The following RPRD2 variants were observed in gnomAD, a reference collection of about 807,000 sequenced individuals.
The protein encoded by RPRD2 is regulation of nuclear pre-mRNA domain-containing protein 2.
RPRD2 carries 12 observed loss-of-function variants against 104.4 expected under a neutral mutation model. The ratio of observed to expected loss-of-function variants is 0.11; its 90% CI spans 0.07 to 0.19. The LOEUF (loss-of-function observed/expected upper bound fraction) is 0.19, where lower values mean the gene tolerates loss of function less well. Among genes scored for constraint, RPRD2 ranks in the 10% least tolerant of loss-of-function variants. The pLI is 1.00. For synonymous variants in RPRD2, 714 were observed against 684.9 expected (o/e 1.04, Z -0.66); for missense variants, 1,543 against 1,790.1 (o/e 0.86, Z 2.49).
rs749285423 is a variant in RPRD2, at chr1:150,473,264, C to G, written c.4316C>G (p.Pro1439Arg). ...SRDPFHSLKR[P>R]RPPFARGPPF... ...GACCCATTTCACAGTTTAAAGAGAC[C>G]CAGGCCACCTTTTGCTAGGGGCCCT... Residue 1439 changes from proline (P) to arginine (R), a missense_variant, in exon 11 of 11, where the codon CCC becomes CGC. By Grantham distance (103) the Pro-to-Arg change is moderately radical. Transcript: ENST00000369068. 6.2e-7 allele frequency: 1 copy of G among 1,613,872 alleles called. No individual in the cohort carries two copies. The highest frequency in any genetic ancestry group is 8.5e-7 in the Non-Finnish European group (1 of 1,179,826).
chr1:150,431,473 A>ATTTTTTT (rs1160491386), intron 2 of RPRD2, among the ~76,000 whole-genome samples: 5,723 of 78,296 alleles, frequency 0.073, 473 homozygotes, highest in Non-Finnish European at 0.1. Flanking sequence ...AAAAGGAAGG[A>ATTTTTTT]TTTTTTTTTT....
chr1:150,474,937 GAGAA>G lies in RPRD2; in HGVS notation c.*1607_*1610del, dbSNP rs1248567455. 6.6e-6 allele frequency: 1 copy of G among 152,174 alleles called. No homozygotes were observed. Among genetic ancestry groups the G allele is most frequent in the Admixed American group, 6.5e-5 (1 of 15,276 alleles). The allele number at this position is 152,174 out of a possible 1,614,324, so 9.4% of individuals were successfully genotyped here. ...TGATTCTCTCAGAATGAACTTTTCA[GAGAA>G]AGAGCAGCATAAACCAGGTGCACAT... On this transcript the variant is annotated 3_prime_UTR_variant, in exon 11 of 11. Transcript: ENST00000369068.
chr1:150,364,296 C>A lies in RPRD2; in HGVS notation c.-419C>A, dbSNP rs1243086393. On this transcript the variant is annotated 5_prime_UTR_variant, in exon 1 of 11. Transcript: ENST00000369068. ...TAGTATTACATTTAAGATATTAACG[C>A]CCGACCTGGCTCACAGGAGTGTGGG... Among the ~76,000 whole-genome samples, 1 of 152,174 alleles carries A rather than the reference C, an allele frequency of 6.6e-6. No individual in the cohort carries two copies. Among genetic ancestry groups the A allele is most frequent in the Non-Finnish European group, 1.5e-5 (1 of 68,032 alleles).
At chr1:150,406,588 GGGGTTT>G (rs1663494914) in intron 1 of RPRD2, among the ~76,000 whole-genome samples, 3 of 151,818 alleles carry the variant, frequency 2.0e-5, no homozygotes, top group Admixed American at 6.6e-5. Context: ...TACTATAGAT[GGGGTTT>G]CACCATGTTA....
chr1:150,458,124 T>C (rs1553898055), intron 8 of RPRD2, among the ~76,000 whole-genome samples: 2 of 151,818 alleles, frequency 1.3e-5, no homozygotes, highest in Non-Finnish European at 2.9e-5. Flanking sequence ...GCATTTGAAA[T>C]GAAGCTTGTC....
intron 1 of RPRD2, among the ~76,000 whole-genome samples, chr1:150,391,847 G>T (rs1662096121): frequency 6.6e-6 from 1 of 152,162 alleles, no homozygotes; most frequent in Admixed American, 6.5e-5. Context: ...GGCAGAGGTT[G>T]CAGTGAGCCG....
intron 7 of RPRD2, 99 bp downstream of exon 7, chr1:150,446,500 A>G: frequency 1.9e-6 from 2 of 1,047,608 alleles, no homozygotes; most frequent in Non-Finnish European, 2.7e-6. Flanking sequence ...ATGCATTTTT[A>G]TCTCCTTATC....
intron 6 of RPRD2, among the ~76,000 whole-genome samples, chr1:150,444,830 AT>A (rs1224395581): frequency 9.2e-5 from 14 of 152,202 alleles, no homozygotes; most frequent in African/African-American, 3.1e-4. Flanking sequence ...TTTGATGAAT[AT>A]TTTTGAAATA....
At chr1:150,440,844 A>G (rs1159928616) in intron 2 of RPRD2, 79 bp from the exon 3 acceptor site, 9 of 724,032 alleles carry the variant, frequency 1.2e-5, no homozygotes, top group African/African-American at 1.1e-4. Flanking sequence ...AATTTTATTG[A>G]TAACTTTATT....
chr1:150,429,128 T>C (rs142568101), intron 2 of RPRD2, among the ~76,000 whole-genome samples: 2,525 of 151,656 alleles, frequency 0.017, 72 homozygotes, highest in African/African-American at 0.056. Context: ...GTTTTGCTCT[T>C]GTTGCCCAGG....
At chr1:150,464,811 C>A in intron 10 of RPRD2, 84 bp downstream of exon 10, 1 of 930,590 alleles carries the variant, frequency 1.1e-6, no homozygotes, top group Non-Finnish European at 1.7e-6. Flanking sequence ...TCTGATGAAT[C>A]CAGAGCCATA....
intron 1 of RPRD2, among the ~76,000 whole-genome samples, chr1:150,377,888 T>A (rs1453819074): frequency 5.3e-5 from 8 of 152,134 alleles, no homozygotes; most frequent in Non-Finnish European, 8.8e-5. Context: ...TATTAAAAAT[T>A]TATAAATTGA....
intron 1 of RPRD2, among the ~76,000 whole-genome samples, chr1:150,368,105 C>A (rs1363687774): frequency 6.6e-6 from 1 of 151,820 alleles, no homozygotes; most frequent in South Asian, 2.1e-4. Flanking sequence ...TCTGCTCTGC[C>A]TACCTCGGGC....
intron 1 of RPRD2, among the ~76,000 whole-genome samples, chr1:150,388,168 T>G (rs1553882313): frequency 6.6e-6 from 1 of 151,872 alleles, no homozygotes; most frequent in Non-Finnish European, 1.5e-5. Flanking sequence ...ACCACCCACC[T>G]TGGCCTCATA....
At chr1:150,467,051 C>T (rs1668327358) in intron 10 of RPRD2, among the ~76,000 whole-genome samples, 1 of 152,112 alleles carries the variant, frequency 6.6e-6, no homozygotes, top group Admixed American at 6.5e-5. Flanking sequence ...TGTGAGACAG[C>T]CCCAACAATA....
rs1268380057 is a variant in RPRD2 at position 150,471,889 on chromosome 1, C to T, written c.2941C>T (p.Leu981Phe). The T allele has an allele frequency of 2.5e-6, 4 of 1,613,876 alleles. No homozygotes were observed. Among genetic ancestry groups the T allele is most frequent in the Non-Finnish European group, 3.4e-6 (4 of 1,179,890 alleles). ...TTCCCTTTTCTCTCCGCAGAACACC[C>T]TTGCCGCTCCCACGGGTCACCCACC... Reference protein sequence around the residue: ...HRSLFSPQNTLAAPTGHPPTS... With the variant: ...HRSLFSPQNTFAAPTGHPPTS... The change falls in exon 11 of 11, where the codon CTT (leucine) becomes TTT (phenylalanine). Residue 981 changes from leucine (L) to phenylalanine (F), a missense_variant. By Grantham distance (22) the Leu-to-Phe change is conservative (BLOSUM62 0). Transcript: ENST00000369068. This position sits in a 1 kb window ranked among gnomAD's most constrained non-coding sequence, Gnocchi z 5.3.
chr1:150,422,447 T>G (rs587618727), intron 2 of RPRD2, among the ~76,000 whole-genome samples: 31 of 152,064 alleles, frequency 2.0e-4, no homozygotes, highest in African/African-American at 6.5e-4. Flanking sequence ...TTTTTTTCTC[T>G]TAAGGCTATT....
intron 10 of RPRD2, among the ~76,000 whole-genome samples, chr1:150,468,834 A>C (rs1022098549): frequency 1.3e-5 from 2 of 151,978 alleles, no homozygotes; most frequent in African/African-American, 2.4e-5. Context: ...CTATGATCGC[A>C]CCACTGCACT....
At chr1:150,458,042 C>A (rs1018817757) in intron 8 of RPRD2, among the ~76,000 whole-genome samples, 7 of 152,068 alleles carry the variant, frequency 4.6e-5, no homozygotes, top group African/African-American at 1.7e-4. Flanking sequence ...GCACTCCAGT[C>A]TGGGAGACAG....
Sources: gnomAD v4.1 joint callset for allele counts (sites outside exome capture counted in the v4.1 genomes callset) on GRCh38, gnomAD v4.1.1 for gene constraint, Gnocchi (gnomAD v3.1) non-coding constraint, MANE v1.5 for transcripts, NCBI Gene and HGNC (gene_info 2026-07-23, HGNC 2026-07-21) for gene names.